The following LIN52 variants were observed in gnomAD, a reference collection of about 807,000 sequenced individuals.
LIN52 encodes lin-52 DREAM MuvB core complex component.
Under a neutral mutation model 18.5 loss-of-function variants are expected in LIN52, and 4 were observed. The ratio of observed to expected loss-of-function variants is 0.22; its 90% confidence interval spans 0.11 to 0.49. The LOEUF (loss-of-function observed/expected upper bound fraction) is 0.49, where lower values mean the gene tolerates loss of function less well. Ranked by LOEUF, LIN52 falls within the 20% of genes least tolerant of loss-of-function variation. LIN52 has a pLI of 0.97. For missense variants in LIN52, 102 were observed against 139.5 expected, an observed-to-expected ratio of 0.73 and a Z score of 1.35; for synonymous variants, 34 against 45.5, an observed-to-expected ratio of 0.75 and a Z score of 1.02.
intron 5 of LIN52, among the ~76,000 whole-genome samples, chr14:74,195,491 CTAAGAG>C (rs2078906360): frequency 6.6e-6 from 1 of 152,014 alleles, no homozygotes; most frequent in East Asian, 1.9e-4. Context: ...GCTTAAAAAG[CTAAGAG>C]TAAAATACAT....
At chr14:74,187,825 G>T (rs1269866696) in intron 5 of LIN52, among the ~76,000 whole-genome samples, 1 of 152,110 alleles carries the variant, frequency 6.6e-6, no homozygotes. Context: ...CACTTACTGA[G>T]CACTTAACTG....
chr14:74,097,400 G>A (rs925695921), intron 3 of LIN52, among the ~76,000 whole-genome samples: 1 of 150,378 alleles, frequency 6.6e-6, no homozygotes, highest in Non-Finnish European at 1.5e-5. Flanking sequence ...TGAAGGCTAT[G>A]TGACAAGCTG....
chr14:74,195,385 G>T (rs1378478960), intron 5 of LIN52, among the ~76,000 whole-genome samples: 1 of 152,210 alleles, frequency 6.6e-6, no homozygotes, highest in Admixed American at 6.5e-5. Context: ...ACAGAACCAG[G>T]CAGTGGGGAA....
chr14:74,092,907 A>G lies in LIN52; in HGVS notation c.94+1601A>G, dbSNP rs2060782913. On this transcript the variant is annotated intron_variant, in intron 2 of 5. Coordinates refer to ENST00000555028, the MANE Select transcript of LIN52 (RefSeq NM_001024674.3). ...ACTCGAGCCTGGGCAACAGAGAAAG[A>G]CTCTTTCTCAAAAAAATCCCCCAAA... Among the ~76,000 whole-genome samples the G allele has an allele frequency of 1.3e-5, 2 of 151,024 alleles. 1 individual carries two copies. The highest frequency in any genetic ancestry group is 4.2e-4 in the South Asian group (2 of 4,778).
chr14:74,155,433 G>A (rs1490348917), intron 5 of LIN52, among the ~76,000 whole-genome samples: 3 of 152,222 alleles, frequency 2.0e-5, no homozygotes, highest in African/African-American at 4.8e-5. Context: ...AGGGCTTCAT[G>A]TTTGCAGCTT....
chr14:74,139,367 G>C (rs1289697597), intron 5 of LIN52, among the ~76,000 whole-genome samples: 10 of 152,232 alleles, frequency 6.6e-5, no homozygotes, highest in Non-Finnish European at 1.2e-4. Flanking sequence ...AGTGGGGTCA[G>C]TAGAAGGATG....
rs115472459 is a variant in LIN52, at chr14:74,193,699, A to G, written c.284-5223A>G. Among the ~76,000 whole-genome samples the G allele has an allele frequency of 1.5e-3, 225 of 152,192 alleles. 1 individual carries two copies. Among genetic ancestry groups the G allele is most frequent in the African/African-American group, 5.3e-3 (219 of 41,560 alleles). ...GCCTGTGTGACTTTGTATTAATCCT[A>G]CCTTGAATGAATGAGGAAAGGAGCT... On this transcript the variant is annotated intron_variant, in intron 5 of 5. Transcript: ENST00000555028.
chr14:74,176,418 A>G (rs2061294949), intron 5 of LIN52, among the ~76,000 whole-genome samples: 1 of 152,104 alleles, frequency 6.6e-6, no homozygotes, highest in African/African-American at 2.4e-5. Context: ...AGCTATAGTT[A>G]ACTTTTTTTT....
At chr14:74,178,786 A>C (rs1698644242) in intron 5 of LIN52, among the ~76,000 whole-genome samples, 1 of 151,708 alleles carries the variant, frequency 6.6e-6, no homozygotes, top group Non-Finnish European at 1.5e-5. Flanking sequence ...TCTACCTTCA[A>C]AAAAAATAGA....
intron 5 of LIN52, among the ~76,000 whole-genome samples, chr14:74,161,332 T>C (rs2061223810): frequency 6.6e-6 from 1 of 152,082 alleles, no homozygotes. Context: ...ACTACAGGCA[T>C]GCACCACCAT....
At chr14:74,140,302 T>G (rs1467439019) in intron 5 of LIN52, among the ~76,000 whole-genome samples, 1 of 152,168 alleles carries the variant, frequency 6.6e-6, no homozygotes, top group East Asian at 1.9e-4. Context: ...ATCCTCTCAG[T>G]AGGATCAATA....
rs566458087 is a variant in LIN52, at chr14:74,166,508, C to T, written c.284-32414C>T. On this transcript the variant is annotated intron_variant, in intron 5 of 5. Transcript: ENST00000555028. ...GATTACAGGCATGAGCCACCGCGCC[C>T]GGCCAAGATCTTTAAATTAAAACGT... 4.6e-5 allele frequency among the ~76,000 whole-genome samples: 7 copies of T among 152,324 alleles called. No homozygotes were observed. In the South Asian group the frequency reaches 8.3e-4, roughly 18 times the overall value.
At chr14:74,156,642 G>A (rs868140764) in intron 5 of LIN52, among the ~76,000 whole-genome samples, 34 of 152,126 alleles carry the variant, frequency 2.2e-4, no homozygotes, top group African/African-American at 7.5e-4. Context: ...ATTTCTTTGT[G>A]TTGGGAACAT....
chr14:74,150,683 A>C (rs1306528679), intron 5 of LIN52, among the ~76,000 whole-genome samples: 1 of 152,232 alleles, frequency 6.6e-6, no homozygotes, highest in East Asian at 1.9e-4. Context: ...AAAAAATTTA[A>C]AGACAAATAG....
At chr14:74,093,001 G>A (rs900674227) in intron 2 of LIN52, among the ~76,000 whole-genome samples, 5 of 151,850 alleles carry the variant, frequency 3.3e-5, no homozygotes, top group African/African-American at 1.2e-4. Context: ...GCTCAGGCTG[G>A]AGTGCAATGG....
At chr14:74,093,971 G>A (rs1478133674) in intron 2 of LIN52, among the ~76,000 whole-genome samples, 1 of 144,746 alleles carries the variant, frequency 6.9e-6, no homozygotes, top group African/African-American at 2.6e-5. Flanking sequence ...CAACAAGAGT[G>A]AAACTCTGTC....
chr14:74,107,018 G>A (rs1039343853), intron 5 of LIN52, among the ~76,000 whole-genome samples: 2 of 152,194 alleles, frequency 1.3e-5, no homozygotes, highest in African/African-American at 4.8e-5. Flanking sequence ...TTTGCATTCT[G>A]ACCCTCGCCG....
intron 5 of LIN52, among the ~76,000 whole-genome samples, chr14:74,191,637 CTTT>C (rs535302894): frequency 2.1e-5 from 3 of 142,354 alleles, no homozygotes; most frequent in Non-Finnish European, 1.5e-5. Context: ...TTCTTTCTTT[CTTT>C]TTTTTTTTTT....
intron 5 of LIN52, among the ~76,000 whole-genome samples, chr14:74,147,304 G>A (rs995313156): frequency 6.6e-6 from 1 of 151,946 alleles, no homozygotes; most frequent in African/African-American, 2.4e-5. Context: ...AATAAAATTG[G>A]ACCCTCTACC....
Sources: gnomAD v4.1 joint callset for allele counts (sites outside exome capture counted in the v4.1 genomes callset) on GRCh38, gnomAD v4.1.1 for gene constraint, MANE v1.5 for transcripts, NCBI Gene and HGNC (gene_info 2026-07-23, HGNC 2026-07-21) for gene names.